The following PRKG1 variants were observed in gnomAD, a reference collection of about 807,000 sequenced individuals.
The protein encoded by PRKG1 is cGMP-dependent protein kinase 1.
PRKG1 carries 35 observed loss-of-function variants against 88.1 expected under a neutral mutation model. That is an observed-to-expected ratio of 0.40 (90% CI 0.30 to 0.53). The LOEUF (loss-of-function observed/expected upper bound fraction) is 0.53. PRKG1 is among the 20% of genes least tolerant of loss of function. PRKG1 has a pLI of 0.59. For synonymous variants in PRKG1, 303 were observed against 292.5 expected (o/e 1.04, Z -0.37); for missense variants, 540 against 839.8 (o/e 0.64, Z 4.41).
intron 3 of PRKG1, among the ~76,000 whole-genome samples, chr10:51,493,940 T>C (rs1231281044): frequency 6.6e-6 from 1 of 152,218 alleles, no homozygotes; most frequent in Admixed American, 6.5e-5. Context: ...TTCAGGTTCT[T>C]AGGCATGGGC....
At chr10:51,447,236 G>T (rs1210974162) in intron 2 of PRKG1, among the ~76,000 whole-genome samples, 1 of 151,852 alleles carries the variant, frequency 6.6e-6, no homozygotes, top group Non-Finnish European at 1.5e-5. Context: ...AACACCTTTG[G>T]GATTTAGAGA....
At chr10:51,856,697 G>A (rs527809407) in intron 4 of PRKG1, among the ~76,000 whole-genome samples, 5 of 152,298 alleles carry the variant, frequency 3.3e-5, no homozygotes, top group African/African-American at 1.2e-4. Flanking sequence ...CAGGCATGGT[G>A]GCTTACGCCT....
chr10:52,145,319 T>C (rs578124906), intron 8 of PRKG1, among the ~76,000 whole-genome samples: 230 of 152,336 alleles, frequency 1.5e-3, no homozygotes, highest in African/African-American at 5.2e-3. Flanking sequence ...TTGGATGTTA[T>C]AAAACTTGTT....
chr10:52,065,022 G>C (rs1564453726), intron 7 of PRKG1, among the ~76,000 whole-genome samples: 1 of 152,190 alleles, frequency 6.6e-6, no homozygotes, highest in South Asian at 2.1e-4. Flanking sequence ...ACTAGTAGAG[G>C]TGTACTTCTG....
intron 1 of PRKG1, among the ~76,000 whole-genome samples, chr10:51,127,610 A>G (rs912567720): frequency 6.6e-6 from 1 of 152,202 alleles, no homozygotes; most frequent in African/African-American, 2.4e-5. Flanking sequence ...ATCACTGGGT[A>G]TATACCCAAA....
chr10:51,866,120 A>G (rs1439499868), intron 4 of PRKG1, among the ~76,000 whole-genome samples: 1 of 152,020 alleles, frequency 6.6e-6, no homozygotes, highest in African/African-American at 2.4e-5. Context: ...TGTTGTATTC[A>G]TATGAAAACA....
intron 1 of PRKG1, among the ~76,000 whole-genome samples, chr10:51,126,707 C>T (rs1845431855): frequency 6.6e-6 from 1 of 152,016 alleles, no homozygotes; most frequent in African/African-American, 2.4e-5. Context: ...GGCTACCTGA[C>T]TTCAAACTAT....
At chr10:51,239,769 G>T (rs1486110903) in intron 2 of PRKG1, among the ~76,000 whole-genome samples, 2 of 152,148 alleles carry the variant, frequency 1.3e-5, no homozygotes, top group African/African-American at 4.8e-5. Context: ...GATCGACCTG[G>T]GTTGGAATTC....
At chr10:51,800,561 T>C (rs1427410827) in intron 3 of PRKG1, among the ~76,000 whole-genome samples, 1 of 152,080 alleles carries the variant, frequency 6.6e-6, no homozygotes, top group Admixed American at 6.6e-5. Context: ...CAGTTTCTAG[T>C]GAATACATAT....
At chr10:52,011,956 G>C (rs1844894413) in intron 5 of PRKG1, among the ~76,000 whole-genome samples, 1 of 152,146 alleles carries the variant, frequency 6.6e-6, no homozygotes, top group South Asian at 2.1e-4. Flanking sequence ...GACTTGACTT[G>C]CTCCTCCTTG....
chr10:51,686,051 A>G (rs1266379999), intron 3 of PRKG1, among the ~76,000 whole-genome samples: 1 of 152,112 alleles, frequency 6.6e-6, no homozygotes, highest in African/African-American at 2.4e-5. Context: ...TAAATGAAAG[A>G]ATGGGCAAGA....
intron 3 of PRKG1, among the ~76,000 whole-genome samples, chr10:51,767,886 A>G (rs578229123): frequency 2.3e-4 from 35 of 152,254 alleles, no homozygotes; most frequent in Non-Finnish European, 4.4e-4. Flanking sequence ...CATGGAGGTG[A>G]GAGAGTAGAG....
chr10:51,599,451 T>C (rs2132223216), intron 3 of PRKG1, among the ~76,000 whole-genome samples: 1 of 152,338 alleles, frequency 6.6e-6, no homozygotes, highest in East Asian at 1.9e-4. Flanking sequence ...CCCATTTGAC[T>C]ACTTTTTACT....
intron 3 of PRKG1, among the ~76,000 whole-genome samples, chr10:51,801,095 T>C (rs1839162275): frequency 6.6e-6 from 1 of 152,146 alleles, no homozygotes; most frequent in Non-Finnish European, 1.5e-5. Flanking sequence ...GCTTACCCCA[T>C]GGTAGCATTT....
chr10:51,126,227 A>ATGT (rs1845407078), intron 1 of PRKG1, among the ~76,000 whole-genome samples: 1 of 120,920 alleles, frequency 8.3e-6, no homozygotes, highest in African/African-American at 3.4e-5. Flanking sequence ...ATATATTTAT[A>ATGT]TATTTATAAT....
intron 3 of PRKG1, among the ~76,000 whole-genome samples, chr10:51,640,519 A>G (rs1385381576): frequency 2.0e-5 from 3 of 152,242 alleles, no homozygotes; most frequent in Non-Finnish European, 2.9e-5. Flanking sequence ...ATATGTATAA[A>G]GGATTGACCA....
chr10:52,184,858 G>A (rs983857263), intron 9 of PRKG1: 2 of 152,014 alleles, frequency 1.3e-5, no homozygotes, highest in Non-Finnish European at 2.9e-5. Flanking sequence ...ATGAAGTAAC[G>A]GAGCAATAAC....
intron 2 of PRKG1, among the ~76,000 whole-genome samples, chr10:51,236,930 T>C (rs1218860596): frequency 2.6e-5 from 4 of 152,236 alleles, no homozygotes; most frequent in Non-Finnish European, 5.9e-5. Flanking sequence ...AGTAGAGTTC[T>C]GGTCACAAGG....
chr10:51,025,486 G>T (rs762070629), intron 1 of PRKG1, among the ~76,000 whole-genome samples: 1 of 152,088 alleles, frequency 6.6e-6, no homozygotes, highest in Non-Finnish European at 1.5e-5. Context: ...ATTCCCCTGG[G>T]GGCTCTGGCT....
Sources: allele counts gnomAD v4.1 joint callset (sites outside exome capture counted in the v4.1 genomes callset), GRCh38; gene constraint gnomAD v4.1.1; transcripts MANE v1.5; gene names NCBI Gene and HGNC (gene_info 2026-07-23, HGNC 2026-07-21).